The following HRH1 variants were observed in gnomAD, a reference collection of about 807,000 sequenced individuals.
HRH1 encodes histamine H1 receptor.
In HRH1, 6 loss-of-function variants were observed where a neutral mutation model predicts 10.3. That is an observed-to-expected ratio of 0.58 (90% CI 0.32 to 1.15). The LOEUF (loss-of-function observed/expected upper bound fraction) is 1.15, where lower values mean the gene tolerates loss of function less well. HRH1 is among the 50% of genes most tolerant of loss of function. HRH1 has a pLI of 0.05. For synonymous variants in HRH1, 242 were observed against 236.7 expected, an observed-to-expected ratio of 1.02 and a Z score of -0.21; for missense variants, 514 against 615.3, an observed-to-expected ratio of 0.84 and a Z score of 1.74.
intron 1 of HRH1, among the ~76,000 whole-genome samples, chr3:11,215,769 G>A (rs1938472283): frequency 6.6e-6 from 1 of 152,214 alleles, no homozygotes; most frequent in Non-Finnish European, 1.5e-5. Flanking sequence ...AGTGGCAGGG[G>A]TGAGGGACTT....
At chr3:11,146,291 C>G (rs576538074) in intron 1 of HRH1, among the ~76,000 whole-genome samples, 2 of 152,230 alleles carry the variant, frequency 1.3e-5, no homozygotes, top group Admixed American at 1.3e-4. Context: ...AATTTTCATT[C>G]TTGATGATTT....
intron 1 of HRH1, among the ~76,000 whole-genome samples, chr3:11,169,809 C>A (rs1937118262): frequency 6.6e-6 from 1 of 152,206 alleles, no homozygotes; most frequent in South Asian, 2.1e-4. Flanking sequence ...GTCTTGCAGA[C>A]AAGAACTGCT....
upstream of HRH1, among the ~76,000 whole-genome samples, chr3:11,152,247 C>T (rs1216714966): frequency 6.6e-6 from 1 of 152,180 alleles, no homozygotes; most frequent in East Asian, 1.9e-4. Context: ...ACACAGTATG[C>T]AGTAAGCATG....
chr3:11,166,137 C>T (rs1248733853), intron 1 of HRH1, among the ~76,000 whole-genome samples: 1 of 152,150 alleles, frequency 6.6e-6, no homozygotes, highest in Non-Finnish European at 1.5e-5. Context: ...CACATATGCT[C>T]CCACCTTCTC....
intron 1 of HRH1, among the ~76,000 whole-genome samples, chr3:11,210,160 G>A (rs1383449075): frequency 6.6e-6 from 1 of 152,160 alleles, no homozygotes; most frequent in East Asian, 1.9e-4. Flanking sequence ...GGCAGGCTGA[G>A]GCAGGCAGAT....
At chr3:11,257,606 C>T (rs1402578962) in intron 1 of HRH1, among the ~76,000 whole-genome samples, 1 of 151,774 alleles carries the variant, frequency 6.6e-6, no homozygotes, top group Non-Finnish European at 1.5e-5. Context: ...AGATTTAATA[C>T]TTACTTTCAC....
intron 1 of HRH1, among the ~76,000 whole-genome samples, chr3:11,230,407 C>T (rs989751178): frequency 3.9e-5 from 6 of 152,192 alleles, no homozygotes; most frequent in Non-Finnish European, 8.8e-5. Flanking sequence ...ACAGAGTCAT[C>T]GGCACCAGTC....
chr3:11,150,793 C>T (rs1271364557), upstream of HRH1, among the ~76,000 whole-genome samples: 1 of 152,208 alleles, frequency 6.6e-6, no homozygotes, highest in Non-Finnish European at 1.5e-5. Flanking sequence ...AACAAGGAAG[C>T]AGTTGGGCTG....
At chr3:11,220,246 A>C (rs2125039470) in intron 1 of HRH1, among the ~76,000 whole-genome samples, 1 of 152,278 alleles carries the variant, frequency 6.6e-6, no homozygotes, top group South Asian at 2.1e-4. Context: ...GTTTCGTTCC[A>C]AAAAGAATTG....
At chr3:11,147,041 G>A (rs928012011) in intron 1 of HRH1, among the ~76,000 whole-genome samples, 2 of 152,174 alleles carry the variant, frequency 1.3e-5, no homozygotes, top group Non-Finnish European at 2.9e-5. Context: ...AGATTTCCTC[G>A]CGTGTGATGG....
intron 1 of HRH1, among the ~76,000 whole-genome samples, chr3:11,235,058 G>A (rs1013715706): frequency 2.2e-4 from 33 of 151,810 alleles, no homozygotes; most frequent in African/African-American, 7.5e-4. Flanking sequence ...TACTAAAAAT[G>A]CAAAAAATTA....
At chr3:11,253,905 G>C (rs1939718543) in intron 1 of HRH1, among the ~76,000 whole-genome samples, 1 of 152,148 alleles carries the variant, frequency 6.6e-6, no homozygotes, top group African/African-American at 2.4e-5. Flanking sequence ...TCATCTAAGA[G>C]TGGTTTAAGC....
At chr3:11,144,087 T>C (rs900828646) in intron 1 of HRH1, among the ~76,000 whole-genome samples, 2 of 152,104 alleles carry the variant, frequency 1.3e-5, no homozygotes, top group Non-Finnish European at 2.9e-5. Context: ...GGGGACCACT[T>C]ACACAGTGTT....
At position 11,143,568 on chromosome 3, in the gene HRH1, G is replaced by T. The variant is rs13317279; in HGVS notation, c.-36+6169G>T. ...AACTTCCAGATGCCTATTCTAGTCC[G>T]CAGGTTCATTGGTTGGGTTAATCCA... On this transcript the variant is annotated intron_variant, in intron 1 of 1. Coordinates refer to the HRH1 transcript ENST00000438284. Among the ~76,000 whole-genome samples the T allele has an allele frequency of 5.7e-3, 861 of 152,310 alleles. 8 individuals carry two copies. The highest frequency in any genetic ancestry group is 0.019 in the African/African-American group (801 of 41,570).
intron 1 of HRH1, among the ~76,000 whole-genome samples, chr3:11,178,879 C>G (rs943582325): frequency 2.6e-5 from 4 of 152,190 alleles, no homozygotes; most frequent in Non-Finnish European, 5.9e-5. Flanking sequence ...TCAGCTTTCT[C>G]CCTTGTAACT....
At chr3:11,245,362 AAT>A (rs987830823) in intron 1 of HRH1, among the ~76,000 whole-genome samples, 7 of 151,574 alleles carry the variant, frequency 4.6e-5, no homozygotes, top group African/African-American at 1.7e-4. Context: ...AAAAAAAAAA[AAT>A]AGAGAAACCC....
intron 1 of HRH1, among the ~76,000 whole-genome samples, chr3:11,240,468 C>G (rs1318803507): frequency 6.6e-6 from 1 of 151,924 alleles, no homozygotes; most frequent in African/African-American, 2.4e-5. Context: ...CAGGTTGCCC[C>G]GATCCCTACC....
intron 1 of HRH1, among the ~76,000 whole-genome samples, chr3:11,215,142 A>G (rs1473935728): frequency 6.6e-6 from 1 of 152,194 alleles, no homozygotes; most frequent in Non-Finnish European, 1.5e-5. Context: ...TTCCCCTCCA[A>G]GAGGTGGTGT....
chr3:11,203,657 G>T (rs1938013957), intron 1 of HRH1, among the ~76,000 whole-genome samples: 1 of 152,110 alleles, frequency 6.6e-6, no homozygotes, highest in Non-Finnish European at 1.5e-5. Flanking sequence ...AAAACAACTT[G>T]ACTGTATTTA....
Sources: gnomAD v4.1 joint callset for allele counts (sites outside exome capture counted in the v4.1 genomes callset) on GRCh38, gnomAD v4.1.1 for gene constraint, MANE v1.5 for transcripts, NCBI Gene and HGNC (gene_info 2026-07-23, HGNC 2026-07-21) for gene names.